Variants in NALCN observed in about 807,000 individuals in gnomAD.
The protein encoded by NALCN is sodium leak channel, non-selective, also known as sodium leak channel NALCN.
A neutral mutation model predicts 225.3 loss-of-function variants in NALCN; 111 were observed. That is an observed-to-expected ratio of 0.49 (90% CI 0.42 to 0.58). The LOEUF (loss-of-function observed/expected upper bound fraction) is 0.58, where lower values mean the gene tolerates loss of function less well. NALCN is among the 20% of genes least tolerant of loss of function. The probability of loss-of-function intolerance (pLI) is 0.00; values close to 1 mark genes in which losing one functional copy is unlikely to be tolerated. For synonymous variants in NALCN, 764 were observed against 769.0 expected, an observed-to-expected ratio of 0.99 and a Z score of 0.11; for missense variants, 1,378 against 2,202.4, an observed-to-expected ratio of 0.63 and a Z score of 7.49.
chr13:101,261,944 T>C (rs1470044236), intron 10 of NALCN, among the ~76,000 whole-genome samples: 3 of 152,204 alleles, frequency 2.0e-5, no homozygotes, highest in Non-Finnish European at 4.4e-5. Flanking sequence ...GAAAGGCTTT[T>C]CAGATTTTCC....
At chr13:101,381,496 A>G (rs1223749393) in intron 3 of NALCN, among the ~76,000 whole-genome samples, 1 of 152,156 alleles carries the variant, frequency 6.6e-6, no homozygotes, top group Non-Finnish European at 1.5e-5. Context: ...TACAGATAAC[A>G]TAGCCCATAT....
chr13:101,307,168 C>A (rs776029654), intron 7 of NALCN, among the ~76,000 whole-genome samples: 1 of 152,128 alleles, frequency 6.6e-6, no homozygotes, highest in African/African-American at 2.4e-5. Context: ...CCCTCTTTGT[C>A]GCTTGGAGAA....
chr13:101,127,757 T>C (rs921842559), intron 17 of NALCN, among the ~76,000 whole-genome samples: 7 of 152,232 alleles, frequency 4.6e-5, no homozygotes, highest in African/African-American at 1.7e-4. Context: ...TTTGATGTCC[T>C]AGATATGTAT....
intron 37 of NALCN, among the ~76,000 whole-genome samples, chr13:101,073,251 C>A (rs957087776): frequency 6.6e-6 from 1 of 152,146 alleles, no homozygotes. Context: ...AGCTGAGGGG[C>A]AGTGAACTAT....
At chr13:101,388,521 C>A (rs907755161) in intron 3 of NALCN, among the ~76,000 whole-genome samples, 5 of 152,026 alleles carry the variant, frequency 3.3e-5, no homozygotes, top group Non-Finnish European at 5.9e-5. Flanking sequence ...ATTTTGAAAA[C>A]GATTTGGTCC....
At chr13:101,099,069 C>A (rs920078133) in intron 27 of NALCN, among the ~76,000 whole-genome samples, 2 of 151,790 alleles carry the variant, frequency 1.3e-5, no homozygotes, top group African/African-American at 4.9e-5. Flanking sequence ...TCTTAGGCCA[C>A]TGTTAATATA....
intron 13 of NALCN, among the ~76,000 whole-genome samples, chr13:101,226,574 T>G (rs1290122534): frequency 1.3e-5 from 2 of 152,184 alleles, no homozygotes. Context: ...GTGGGCCTAA[T>G]GATGTGGCTA....
Position 101,082,868 on chromosome 13 carries a change from G to A in NALCN, c.3706C>T (p.Pro1236Ser). The A allele has an allele frequency of 6.2e-7, 1 of 1,614,148 alleles. No individual in the cohort carries two copies. The highest frequency in any genetic ancestry group is 8.5e-7 in the Non-Finnish European group (1 of 1,180,002). Reference protein sequence around the residue: ...LLSVKWDVEDPVTVPLATMSV... With the variant: ...LLSVKWDVEDSVTVPLATMSV... ...ATTGTTGCCAAAGGTACGGTCACCGGGTCCTCGACGTCCCACTGCAACAGA... is the reference window on the plus strand; with the variant it reads ...ATTGTTGCCAAAGGTACGGTCACCGAGTCCTCGACGTCCCACTGCAACAGA... Residue 1236 changes from proline (P) to serine (S), a missense_variant, in exon 33 of 44, where the codon CCG becomes TCG. Physicochemically the swap from Pro to Ser is moderately conservative, Grantham distance 74. Coordinates refer to ENST00000251127, the MANE Select transcript of NALCN (RefSeq NM_052867.4).
At chr13:101,210,952 A>G (rs2040500245) in intron 13 of NALCN, among the ~76,000 whole-genome samples, 1 of 152,184 alleles carries the variant, frequency 6.6e-6, no homozygotes, top group Non-Finnish European at 1.5e-5. Flanking sequence ...TATTTTTTGT[A>G]GGCAAGACTA....
intron 11 of NALCN, among the ~76,000 whole-genome samples, chr13:101,255,049 CCTTT>C (rs903282475): frequency 7.2e-5 from 11 of 152,178 alleles, no homozygotes; most frequent in African/African-American, 2.6e-4. Context: ...CCTCCCACAC[CCTTT>C]CTTATTATTA....
rs182941990 is a variant in NALCN, at chr13:101,086,455, G to A, written c.3490-2651C>T. On this transcript the variant is annotated intron_variant, in intron 30 of 43. Coordinates refer to ENST00000251127, the MANE Select transcript of NALCN (RefSeq NM_052867.4). ...CAACTCATAAATTATTTATAGTATT[G>A]TCTTAATATTTCCAAATTGTAGAGT... Among the ~76,000 whole-genome samples the A allele has an allele frequency of 4.0e-4, 61 of 151,628 alleles. No individual in the cohort carries two copies. The East Asian group carries it at 0.011, about 26-fold the overall frequency.
intron 39 of NALCN, among the ~76,000 whole-genome samples, chr13:101,067,086 T>C (rs1235159280): frequency 6.6e-6 from 1 of 151,854 alleles, no homozygotes; most frequent in East Asian, 1.9e-4. Flanking sequence ...TGTTCCATCT[T>C]GTTCACTGCT....
intron 15 of NALCN, among the ~76,000 whole-genome samples, chr13:101,150,512 A>T (rs2037595371): frequency 6.6e-6 from 1 of 152,178 alleles, no homozygotes; most frequent in African/African-American, 2.4e-5. Flanking sequence ...CAGACACAGA[A>T]AAAGGAAGAA....
intron 37 of NALCN, among the ~76,000 whole-genome samples, chr13:101,069,592 A>G (rs2032697685): frequency 6.6e-6 from 1 of 152,216 alleles, no homozygotes; most frequent in Admixed American, 6.5e-5. Flanking sequence ...GAAGTTTATC[A>G]TATCAATTGA....
intron 28 of NALCN, 150 bp downstream of exon 28, chr13:101,095,424 A>G (rs906141899): frequency 1.9e-5 from 11 of 578,168 alleles, no homozygotes; most frequent in African/African-American, 5.8e-5. Context: ...CTATCTTCCA[A>G]TATAATCTAG....
intron 17 of NALCN, among the ~76,000 whole-genome samples, chr13:101,125,384 A>G (rs576886364): frequency 6.6e-6 from 1 of 152,330 alleles, no homozygotes; most frequent in African/African-American, 2.4e-5. Flanking sequence ...TCACAATAAT[A>G]AATAACTAGA....
At chr13:101,372,131 A>G (rs369785605) in intron 6 of NALCN, among the ~76,000 whole-genome samples, 11 of 152,274 alleles carry the variant, frequency 7.2e-5, no homozygotes, top group Admixed American at 4.6e-4. Flanking sequence ...TCATGACGAT[A>G]AAAAGGTCAG....
intron 10 of NALCN, among the ~76,000 whole-genome samples, chr13:101,263,120 G>A (rs1275275130): frequency 6.6e-6 from 1 of 152,170 alleles, no homozygotes; most frequent in Non-Finnish European, 1.5e-5. Flanking sequence ...CTAATAATTT[G>A]AGACATGCCA....
chr13:101,157,183 A>C (rs73556667), intron 15 of NALCN, among the ~76,000 whole-genome samples: 2,394 of 152,298 alleles, frequency 0.016, 47 homozygotes, highest in African/African-American at 0.049. Flanking sequence ...TAGATAGGTA[A>C]ATATATACAA....
Sources: allele counts gnomAD v4.1 joint callset (sites outside exome capture counted in the v4.1 genomes callset), GRCh38; gene constraint gnomAD v4.1.1; transcripts MANE v1.5; gene names NCBI Gene and HGNC (gene_info 2026-07-23, HGNC 2026-07-21).